Variants in CUL5 observed in about 807,000 individuals in gnomAD.
The protein encoded by CUL5 is cullin-5.
A neutral mutation model predicts 108.8 loss-of-function variants in CUL5; 26 were observed. The ratio of observed to expected loss-of-function variants is 0.24; its 90% CI spans 0.18 to 0.33. CUL5 has a LOEUF of 0.33. Ranked by LOEUF, CUL5 falls within the 10% of genes least tolerant of loss-of-function variation. The pLI is 1.00. For synonymous variants in CUL5, 334 were observed against 298.0 expected, an observed-to-expected ratio of 1.12 and a Z score of -1.25; for missense variants, 524 against 909.2, an observed-to-expected ratio of 0.58 and a Z score of 5.45.
At chr11:108,053,328 T>A (rs1863284254) in intron 5 of CUL5, among the ~76,000 whole-genome samples, 1 of 152,206 alleles carries the variant, frequency 6.6e-6, no homozygotes, top group African/African-American at 2.4e-5. Context: ...TTTGTTTAAT[T>A]GTGTTGTTAG....
intron 3 of CUL5, among the ~76,000 whole-genome samples, chr11:108,048,286 G>A (rs147222542): frequency 6.6e-6 from 1 of 152,142 alleles, no homozygotes; most frequent in East Asian, 1.9e-4. Context: ...CATAGGTGGA[G>A]TCTTTTTTGT....
chr11:108,090,852 T>C (rs960289266), intron 13 of CUL5, among the ~76,000 whole-genome samples: 3 of 152,090 alleles, frequency 2.0e-5, no homozygotes, highest in South Asian at 2.1e-4. Context: ...CATGGAACTT[T>C]AGGATAGTAA....
chr11:108,019,206 G>A (rs1862272710), intron 1 of CUL5, among the ~76,000 whole-genome samples: 2 of 136,524 alleles, frequency 1.5e-5, no homozygotes, highest in Admixed American at 1.5e-4. Flanking sequence ...GTGGGGGTGG[G>A]GGTGGGGTGG....
intron 2 of CUL5, among the ~76,000 whole-genome samples, chr11:108,040,377 G>A (rs918278172): frequency 6.6e-6 from 1 of 151,984 alleles, no homozygotes; most frequent in Non-Finnish European, 1.5e-5. Context: ...TTTGGGAGGC[G>A]AAGGCAGGTG....
At chr11:108,100,730 G>A (rs919594306) in intron 18 of CUL5, among the ~76,000 whole-genome samples, 13 of 151,670 alleles carry the variant, frequency 8.6e-5, no homozygotes, top group African/African-American at 3.1e-4. Context: ...TAAACTCCTG[G>A]AGTAAAGAGT....
rs1864438720 is a variant in CUL5, at chr11:108,094,482, A to T, written c.1535A>T (p.Glu512Val). The change falls in exon 14 of 19, where the codon GAA (glutamate) becomes GTA (valine). Residue 512 changes from glutamate (E) to valine (V), a missense_variant. This residue lies in a region of CUL5 where 23 missense variants were observed against 19.9 expected (regional missense o/e 1.16). Coordinates refer to ENST00000393094, the MANE Select transcript of CUL5 (RefSeq NM_003478.6). The part of the protein sequence containing the change: ...VSEDLNQAFK[E>V]MHKNNKLALP... Reference sequence around the variant, plus strand: ...GAAGATTTGAACCAAGCTTTTAAGGAAATGCACAAAAATAATAAATTGGCA... The same window carrying T: ...GAAGATTTGAACCAAGCTTTTAAGGTAATGCACAAAAATAATAAATTGGCA... 1 of 1,488,390 alleles carries T rather than the reference A, an allele frequency of 6.7e-7. No individual in the cohort carries two copies. The highest frequency in any genetic ancestry group is 1.4e-5 in the African/African-American group (1 of 71,866). 92.2% of individuals were successfully genotyped at this position (1,488,390 alleles called of 1,614,324 possible). A position where few individuals can be genotyped will look rare whatever the true frequency, so the allele number is the denominator to read the frequency against.
chr11:108,032,183 C>G (rs61914360), intron 1 of CUL5, among the ~76,000 whole-genome samples: 4,328 of 152,206 alleles, frequency 0.028, 97 homozygotes, highest in Middle Eastern at 0.045. Context: ...TAAAGAAAAT[C>G]GTGACTTTTG....
chr11:108,022,638 A>G (rs1293312780), intron 1 of CUL5, among the ~76,000 whole-genome samples: 3 of 152,200 alleles, frequency 2.0e-5, no homozygotes, highest in African/African-American at 7.2e-5. Flanking sequence ...CACAGGACCC[A>G]AACGCATTTT....
intron 7 of CUL5, among the ~76,000 whole-genome samples, chr11:108,058,078 G>A (rs530459649): frequency 2.0e-4 from 30 of 151,102 alleles, no homozygotes; most frequent in African/African-American, 6.1e-4. Context: ...ACGTGGTGGC[G>A]TGCACCTGTA....
intron 8 of CUL5, among the ~76,000 whole-genome samples, chr11:108,071,824 A>C (rs1306144414): frequency 2.0e-5 from 3 of 152,024 alleles, no homozygotes; most frequent in Non-Finnish European, 4.4e-5. Context: ...AAAGTGCTGG[A>C]GTTACAAGCG....
intron 14 of CUL5, 99 bp from the exon 15 acceptor site, chr11:108,094,713 T>G: frequency 3.0e-6 from 3 of 1,000,966 alleles, no homozygotes; most frequent in Non-Finnish European, 1.4e-6. Context: ...AACAAAATCT[T>G]TATAGTCTTA....
intron 12 of CUL5, 72 bp downstream of exon 12, chr11:108,088,731 T>A: frequency 1.7e-6 from 2 of 1,147,498 alleles, no homozygotes; most frequent in African/African-American, 1.6e-5. Context: ...TATAGGACTT[T>A]CTGTGATAGT....
chr11:108,075,157 G>T (rs1003795163), intron 10 of CUL5, among the ~76,000 whole-genome samples: 1 of 151,656 alleles, frequency 6.6e-6, no homozygotes, highest in South Asian at 2.1e-4. Flanking sequence ...GCTTGTCCCA[G>T]AGTGATGGTA....
chr11:108,104,518 A>G lies in CUL5; in HGVS notation c.*134A>G, dbSNP rs1202958973. The G allele has an allele frequency of 1.4e-5, 8 of 570,866 alleles. No individual in the cohort carries two copies. The highest frequency in any genetic ancestry group is 2.4e-5 in the Non-Finnish European group (8 of 333,412). 35.4% of individuals were successfully genotyped at this position (570,866 alleles called of 1,614,324 possible). On this transcript the variant is annotated 3_prime_UTR_variant, in exon 19 of 19. Transcript: ENST00000393094. ...ATTAAAATCTCTGCCTTACCTTACA[A>G]AAACAACTATATTTTGCCAATCACA...
At chr11:108,055,156 G>A (rs576820839) in intron 7 of CUL5, among the ~76,000 whole-genome samples, 1 of 152,288 alleles carries the variant, frequency 6.6e-6, no homozygotes, top group Admixed American at 6.5e-5. Flanking sequence ...TGGTATGCAA[G>A]ATCAAATCTA....
chr11:108,051,036 T>C lies in CUL5; in HGVS notation c.411+970T>C, dbSNP rs73555397. The stretch of plus-strand genomic sequence containing the variant: ...TTTGAACTTTAGTCAATTTACTGTT[T>C]ACTGTGATGGTTACAGTAAAACACT... On this transcript the variant is annotated intron_variant, in intron 4 of 18. Transcript: ENST00000393094. Among the ~76,000 whole-genome samples, 1,514 of 152,316 alleles carry C rather than the reference T, an allele frequency of 9.9e-3. 25 individuals are homozygous for C. The highest frequency in any genetic ancestry group is 0.034 in the African/African-American group (1,433 of 41,560).
At chr11:108,071,434 T>A (rs1358749123) in intron 8 of CUL5, among the ~76,000 whole-genome samples, 1 of 152,150 alleles carries the variant, frequency 6.6e-6, no homozygotes, top group African/African-American at 2.4e-5. Flanking sequence ...GGCTAATTTT[T>A]GTATTTTTTG....
At position 108,033,977 on chromosome 11, in the gene CUL5, A is replaced by C; in HGVS notation, c.134+66A>C. 3.3e-6 allele frequency: 3 copies of C among 912,216 alleles called. No individual in the cohort carries two copies. The East Asian group carries it at 7.3e-5, about 22-fold the overall frequency. The allele number at this position is 912,216 out of a possible 1,614,324, so 56.5% of individuals were successfully genotyped here. A position where few individuals can be genotyped will look rare whatever the true frequency, so the allele number is the denominator to read the frequency against. On this transcript the variant is annotated intron_variant, in intron 2 of 18. Transcript: ENST00000393094. ...TTTTAGTGATGTCTTTCCATACCCAAATGGAATGTGTAACTCTAAGTTTAT... is the reference window on the plus strand; with the variant it reads ...TTTTAGTGATGTCTTTCCATACCCACATGGAATGTGTAACTCTAAGTTTAT...
chr11:108,046,356 A>G lies in CUL5; in HGVS notation c.221A>G (p.Lys74Arg). 3.1e-6 allele frequency: 5 copies of G among 1,603,292 alleles called. No homozygotes were observed. The highest frequency in any genetic ancestry group is 4.3e-6 in the Non-Finnish European group (5 of 1,170,916). ...AAAGAAGATATTCTTGAGTTTATTA[A>G]GCAAGCACAGGCAGTAAGTTCTACA... ...ALKEDILEFIKQAQARVLSHQ... is the reference protein window; with the variant it reads ...ALKEDILEFIRQAQARVLSHQ... Residue 74 changes from lysine (K) to arginine (R), a missense_variant, in exon 3 of 19, where the codon AAG (lysine) becomes AGG (arginine). Lys to Arg is a conservative substitution (Grantham distance 26, BLOSUM62 2). Transcript: ENST00000393094.
Sources: allele counts gnomAD v4.1 joint callset (sites outside exome capture counted in the v4.1 genomes callset), GRCh38; gene constraint gnomAD v4.1.1; regional missense constraint gnomAD v4.1.1; transcripts MANE v1.5; gene names NCBI Gene and HGNC (gene_info 2026-07-23, HGNC 2026-07-21).